S100A13: variants seen among roughly 807,000 people sequenced by gnomAD.
S100A13 encodes the protein S100 calcium binding protein A13, also known as protein S100-A13.
A neutral mutation model predicts 8.2 loss-of-function variants in S100A13; 6 were observed. The observed-to-expected ratio is 0.73, with a 90% CI of 0.40 to 1.44. The LOEUF is 1.44. Ranked by LOEUF, S100A13 falls within the 40% of genes most tolerant of loss-of-function variation. The probability of loss-of-function intolerance (pLI) is 0.02; values close to 1 mark genes in which losing one functional copy is unlikely to be tolerated. For synonymous variants in S100A13, 39 were observed against 45.9 expected, an observed-to-expected ratio of 0.85 and a Z score of 0.61; for missense variants, 114 against 113.6, an observed-to-expected ratio of 1.00 and a Z score of -0.02.
chr1:153,622,751 T>C (rs1667351311), intron 2 of S100A13, among the ~76,000 whole-genome samples: 1 of 152,224 alleles, frequency 6.6e-6, no homozygotes, highest in African/African-American at 2.4e-5. Flanking sequence ...TCTGTGAATC[T>C]CCTGGAAGCC....
At chr1:153,619,065 G>C (rs1667072682) in intron 2 of S100A13, 27 bp from the exon 3 acceptor site, 1 of 1,606,094 alleles carries the variant, frequency 6.2e-7, no homozygotes, top group African/African-American at 1.3e-5. Context: ...GGGAAGGGTA[G>C]AGTTAGAAAC....
At chr1:153,626,235 T>C in intron 2 of S100A13, 85 bp downstream of exon 2, 1 of 1,262,974 alleles carries the variant, frequency 7.9e-7, no homozygotes, top group African/African-American at 1.5e-5. Flanking sequence ...TGTGGTCACC[T>C]CACCGTACTC....
At chr1:153,619,108 T>A in intron 2 of S100A13, 70 bp from the exon 3 acceptor site, 1 of 1,377,200 alleles carries the variant, frequency 7.3e-7, no homozygotes, top group Non-Finnish European at 1.0e-6. Flanking sequence ...AGGGAAGAAC[T>A]GTCAGCTGCT....
At chr1:153,620,137 A>C (rs1303904182) in intron 2 of S100A13, among the ~76,000 whole-genome samples, 3 of 152,114 alleles carry the variant, frequency 2.0e-5, no homozygotes, top group Non-Finnish European at 4.4e-5. Flanking sequence ...AAATACAAAA[A>C]TTAGCCAGAT....
At position 153,623,430 on chromosome 1, in the gene S100A13, G is replaced by C. The variant is rs549716441; in HGVS notation, c.153+2890C>G. On this transcript the variant is annotated intron_variant, in intron 2 of 2. Transcript: ENST00000476133. Reference sequence around the variant, plus strand: ...TGAGACAGTCTCCCTCTGTTGCCCAGGCTGGAGTGCAGTGGTGCAATCTCA... The same window carrying C: ...TGAGACAGTCTCCCTCTGTTGCCCACGCTGGAGTGCAGTGGTGCAATCTCA... 6.6e-5 allele frequency among the ~76,000 whole-genome samples: 10 copies of C among 151,670 alleles called. No individual in the cohort carries two copies. In the South Asian group the frequency reaches 1.9e-3, roughly 28 times the overall value.
At chr1:153,625,026 G>A (rs1250419412) in intron 2 of S100A13, among the ~76,000 whole-genome samples, 2 of 152,164 alleles carry the variant, frequency 1.3e-5, no homozygotes, top group South Asian at 2.1e-4. Flanking sequence ...AGTGAGCCAA[G>A]ATCGCACCAT....
chr1:153,628,156 A>G (rs1261220022), upstream of S100A13: 1 of 1,550,396 alleles, frequency 6.4e-7, no homozygotes, highest in East Asian at 2.4e-5. Context: ...CAGGTACTGC[A>G]AGGCCCAGCT....
Position 153,624,640 on chromosome 1 carries a change from TGA to T in S100A13, c.153+1678_153+1679del, listed in dbSNP as rs1275102710. Among the ~76,000 whole-genome samples the T allele has an allele frequency of 3.2e-5, 3 of 93,176 alleles. No homozygotes were observed. The East Asian group carries it at 1.1e-3, about 35-fold the overall frequency. 61.1% of individuals were successfully genotyped at this position (93,176 alleles called of 152,430 possible). The stretch of plus-strand genomic sequence containing the variant: ...AACCTGAAGTTTCCAGTAAAAAAGA[TGA>T]AAAAGGAAACGTCTGGCTGGGCACA... On this transcript the variant is annotated intron_variant, in intron 2 of 2. Coordinates refer to ENST00000476133, the MANE Select transcript of S100A13 (RefSeq NM_001024211.2).
At chr1:153,628,250 G>A, upstream of S100A13, 6 of 1,536,626 alleles carry the variant, frequency 3.9e-6, no homozygotes, top group South Asian at 1.2e-5. Flanking sequence ...GGAGAGAAAG[G>A]AACGGGGCAA....
chr1:153,633,557 TG>T (rs1351722204), upstream of S100A13, among the ~76,000 whole-genome samples: 1 of 152,012 alleles, frequency 6.6e-6, no homozygotes, highest in Non-Finnish European at 1.5e-5. Flanking sequence ...GCGGTGGTGT[TG>T]GCCGGTGCAG....
At chr1:153,631,819 A>G, upstream of S100A13, 5 of 1,614,006 alleles carry the variant, frequency 3.1e-6, no homozygotes, top group Non-Finnish European at 4.2e-6. Context: ...GCCTGTAACA[A>G]TTTCTTCTGG....
intron 2 of S100A13, among the ~76,000 whole-genome samples, chr1:153,624,228 G>A (rs932444199): frequency 6.6e-6 from 1 of 152,182 alleles, no homozygotes; most frequent in Non-Finnish European, 1.5e-5. Flanking sequence ...CATGAACAGA[G>A]GAGTGGGATG....
chr1:153,631,141 G>C (rs1307391250), upstream of S100A13: 1 of 321,658 alleles, frequency 3.1e-6, no homozygotes, highest in Non-Finnish European at 5.7e-6. Flanking sequence ...GGAGAAAGAA[G>C]AATGTGGAGC....
At chr1:153,628,209 CCT>C, upstream of S100A13, 1 of 1,548,938 alleles carries the variant, frequency 6.5e-7, no homozygotes, top group South Asian at 1.2e-5. Flanking sequence ...CTCCTTCCCA[CCT>C]CTTTCCCCTG....
Position 153,618,832 on chromosome 1 carries a change from G to T in S100A13, c.*63C>A, listed in dbSNP as rs968082432. ...TCAAGGAGGAAGCTTTATTTGGGAA[G>T]AGTGCGGTTCTGCTCGGCCCTGATC... On this transcript the variant is annotated 3_prime_UTR_variant, in exon 3 of 3. Coordinates refer to ENST00000476133, the MANE Select transcript of S100A13 (RefSeq NM_001024211.2). 19 of 1,474,296 alleles carry T rather than the reference G, an allele frequency of 1.3e-5. No individual in the cohort carries two copies. Among genetic ancestry groups the T allele is most frequent in the Non-Finnish European group, 1.7e-5 (18 of 1,079,190 alleles). The allele number at this position is 1,474,296 out of a possible 1,614,324, so 91.3% of individuals were successfully genotyped here.
At chr1:153,633,711 A>T (rs1457465587), upstream of S100A13, among the ~76,000 whole-genome samples, 1 of 152,196 alleles carries the variant, frequency 6.6e-6, no homozygotes, top group East Asian at 1.9e-4. Flanking sequence ...CCGGAAGAAG[A>T]CGAGGCAAGT....
chr1:153,632,081 C>T (rs1037813292), upstream of S100A13: 3 of 529,430 alleles, frequency 5.7e-6, no homozygotes, highest in Non-Finnish European at 1.0e-5. Flanking sequence ...TGGGTGGAGA[C>T]GTGAAGACTG....
chr1:153,630,368 G>A (rs149579349), upstream of S100A13: 13 of 1,069,756 alleles, frequency 1.2e-5, no homozygotes, highest in African/African-American at 1.3e-4. Flanking sequence ...TAAAATCTCA[G>A]GGAAAGATCA....
At chr1:153,625,877 T>G (rs1015924593) in intron 2 of S100A13, among the ~76,000 whole-genome samples, 8 of 152,156 alleles carry the variant, frequency 5.3e-5, no homozygotes, top group Non-Finnish European at 1.2e-4. Flanking sequence ...GCAAGAAAAC[T>G]CACAACCGGG....
Sources: allele counts gnomAD v4.1 joint callset (sites outside exome capture counted in the v4.1 genomes callset), GRCh38; gene constraint gnomAD v4.1.1; transcripts MANE v1.5; gene names NCBI Gene and HGNC (gene_info 2026-07-23, HGNC 2026-07-21).